The following SLC24A3 variants were observed in gnomAD, a reference collection of about 807,000 sequenced individuals.
The protein encoded by SLC24A3 is sodium/potassium/calcium exchanger 3.
Under a neutral mutation model 75.8 loss-of-function variants are expected in SLC24A3, and 28 were observed. The observed-to-expected ratio is 0.37, with a 90% CI of 0.27 to 0.51. The LOEUF is 0.51. SLC24A3 is among the 20% of genes least tolerant of loss of function. SLC24A3 has a pLI of 0.94. For missense variants in SLC24A3, 663 were observed against 847.8 expected (o/e 0.78, Z 2.71); for synonymous variants, 372 against 334.1 (o/e 1.11, Z -1.24).
At chr20:19,696,508 A>G (rs953421947) in intron 13 of SLC24A3, 2 of 315,700 alleles carry the variant, frequency 6.3e-6, no homozygotes, top group African/African-American at 4.2e-5. Flanking sequence ...TTTTTCCCAG[A>G]AATTCTATTT....
chr20:19,548,023 C>A (rs3790257), intron 3 of SLC24A3, among the ~76,000 whole-genome samples: 89,578 of 152,126 alleles, frequency 0.59, 27,996 homozygotes, highest in Non-Finnish European at 0.68. Flanking sequence ...CTTCTGACTA[C>A]ATTATTTTCT....
intron 1 of SLC24A3, among the ~76,000 whole-genome samples, chr20:19,279,868 G>A (rs905153059): frequency 5.9e-5 from 9 of 152,242 alleles, no homozygotes; most frequent in Non-Finnish European, 1.3e-4. Flanking sequence ...CACTGTGCCA[G>A]CTGGCATTGA....
chr20:19,230,588 G>T (rs1432490823), intron 1 of SLC24A3, among the ~76,000 whole-genome samples: 1 of 149,098 alleles, frequency 6.7e-6, no homozygotes, highest in Non-Finnish European at 1.5e-5. Context: ...CCGGGAACTG[G>T]GGTCTCTGAA....
chr20:19,430,921 T>G (rs899194967), intron 2 of SLC24A3, among the ~76,000 whole-genome samples: 1 of 152,058 alleles, frequency 6.6e-6, no homozygotes, highest in Non-Finnish European at 1.5e-5. Flanking sequence ...AATTTTGGCC[T>G]TTGAAGTTGT....
At chr20:19,601,400 G>T (rs1865500807) in intron 6 of SLC24A3, among the ~76,000 whole-genome samples, 1 of 152,080 alleles carries the variant, frequency 6.6e-6, no homozygotes. Flanking sequence ...CAAGGAGTTG[G>T]AATTCCCTTT....
chr20:19,409,547 A>G (rs1176138768), intron 2 of SLC24A3, among the ~76,000 whole-genome samples: 3 of 152,202 alleles, frequency 2.0e-5, no homozygotes, highest in Non-Finnish European at 4.4e-5. Flanking sequence ...ATTATGCTCA[A>G]ATGTCTCATT....
At chr20:19,463,955 T>C (rs756934194) in intron 2 of SLC24A3, among the ~76,000 whole-genome samples, 47 of 152,254 alleles carry the variant, frequency 3.1e-4, no homozygotes, top group South Asian at 1.5e-3. Flanking sequence ...TAAAGCCCTG[T>C]TGAAAATAAA....
intron 2 of SLC24A3, among the ~76,000 whole-genome samples, chr20:19,286,529 C>A (rs1170070372): frequency 6.6e-6 from 1 of 152,114 alleles, no homozygotes; most frequent in Non-Finnish European, 1.5e-5. Flanking sequence ...ACATTGTCAT[C>A]TTTTACATGA....
At chr20:19,297,614 A>G (rs1984091620) in intron 2 of SLC24A3, among the ~76,000 whole-genome samples, 1 of 152,222 alleles carries the variant, frequency 6.6e-6, no homozygotes, top group African/African-American at 2.4e-5. Flanking sequence ...ACATCCTCAT[A>G]TACATACATG....
chr20:19,530,921 T>C (rs2030286092), intron 3 of SLC24A3, among the ~76,000 whole-genome samples: 1 of 152,060 alleles, frequency 6.6e-6, no homozygotes, highest in South Asian at 2.1e-4. Flanking sequence ...ACCTGACCAG[T>C]GCAGGCAGAA....
intron 6 of SLC24A3, 83 bp from the exon 7 acceptor site, chr20:19,653,979 G>A (rs1328412796): frequency 2.5e-6 from 3 of 1,187,776 alleles, no homozygotes; most frequent in African/African-American, 3.0e-5. Context: ...GCCTAGACAG[G>A]AAGCTGGCTA....
At position 19,441,009 on chromosome 20, in the gene SLC24A3, G is replaced by A. The variant is rs535187039; in HGVS notation, c.272-74479G>A. Among the ~76,000 whole-genome samples, 6 of 151,494 alleles carry A rather than the reference G, an allele frequency of 4.0e-5. No individual in the cohort carries two copies. In the East Asian group the frequency reaches 6.3e-4, roughly 16 times the overall value. ...GAAGCAGGCCGGATCCTGAGAGTTCGTAATCATTGAGATTTCACATCGCAT... is the reference window on the plus strand; with the variant it reads ...GAAGCAGGCCGGATCCTGAGAGTTCATAATCATTGAGATTTCACATCGCAT... On this transcript the variant is annotated intron_variant, in intron 2 of 16. Transcript: ENST00000328041.
Position 19,717,432 on chromosome 20 carries a change from C to T in SLC24A3, c.1720-96C>T, listed in dbSNP as rs866258271. The T allele has an allele frequency of 6.7e-5, 79 of 1,186,162 alleles. 1 individual carries two copies. In the South Asian group the frequency reaches 1.0e-3, roughly 15 times the overall value. 73.5% of individuals were successfully genotyped at this position (1,186,162 alleles called of 1,614,324 possible). On this transcript the variant is annotated intron_variant, in intron 15 of 16. Coordinates refer to ENST00000328041, the MANE Select transcript of SLC24A3 (RefSeq NM_020689.4). ...CTAGAGGGGAGATGTGGAATCACTG[C>T]TACTCAGAGTTGCGTAGGCAGATGC...
rs779492472 is a variant in SLC24A3, at chr20:19,281,071, G to A, written c.255G>A (p.Lys85=). 1.5e-5 allele frequency: 24 copies of A among 1,614,182 alleles called. 1 individual carries two copies. In the South Asian group the frequency reaches 2.3e-4, roughly 16 times the overall value. Residue 85 remains lysine, a synonymous_variant, in exon 2 of 17, where the codon AAG becomes AAA. Coordinates refer to ENST00000328041, the MANE Select transcript of SLC24A3 (RefSeq NM_020689.4). ...TSEDAGLRNS[K]NCTEPALHEF... ...AAGATGCCGGACTCCGGAACAGCAA[G>A]AACTGCACCGAACCAGGTAACAGTG...
At chr20:19,317,215 C>T (rs1277264920) in intron 2 of SLC24A3, among the ~76,000 whole-genome samples, 1 of 152,122 alleles carries the variant, frequency 6.6e-6, no homozygotes, top group South Asian at 2.1e-4. Flanking sequence ...ACTATAAAAA[C>T]CCTAGAAGAA....
At chr20:19,319,562 A>G (rs898832316) in intron 2 of SLC24A3, among the ~76,000 whole-genome samples, 1 of 152,226 alleles carries the variant, frequency 6.6e-6, no homozygotes, top group Non-Finnish European at 1.5e-5. Flanking sequence ...GCAGAAATTA[A>G]TAAAATAGAC....
intron 1 of SLC24A3, among the ~76,000 whole-genome samples, chr20:19,256,687 TG>T (rs953032368): frequency 6.7e-6 from 1 of 150,188 alleles, no homozygotes; most frequent in African/African-American, 2.5e-5. Context: ...GAGAATCACT[TG>T]AACCCAGGAA....
intron 2 of SLC24A3, among the ~76,000 whole-genome samples, chr20:19,399,434 T>C (rs532143103): frequency 3.3e-5 from 5 of 152,330 alleles, no homozygotes; most frequent in Admixed American, 6.5e-5. Flanking sequence ...ATGTTTGATA[T>C]GGTATGTTTT....
intron 8 of SLC24A3, among the ~76,000 whole-genome samples, chr20:19,671,865 G>A (rs1171673535): frequency 1.3e-5 from 2 of 152,048 alleles, no homozygotes; most frequent in African/African-American, 2.4e-5. Context: ...AGAAAACATA[G>A]GCAATAAAGA....
Sources: gnomAD v4.1 joint callset for allele counts (sites outside exome capture counted in the v4.1 genomes callset) on GRCh38, gnomAD v4.1.1 for gene constraint, MANE v1.5 for transcripts, NCBI Gene and HGNC (gene_info 2026-07-23, HGNC 2026-07-21) for gene names.